The following PPA2 variants were observed in gnomAD, a reference collection of about 807,000 sequenced individuals.
The protein encoded by PPA2 is inorganic pyrophosphatase 2, also known as inorganic pyrophosphatase 2, mitochondrial.
Under a neutral mutation model 49.5 loss-of-function variants are expected in PPA2, and 48 were observed. That is an observed-to-expected ratio of 0.97 (90% CI 0.77 to 1.23). The LOEUF (loss-of-function observed/expected upper bound fraction) is 1.23. Among genes scored for constraint, PPA2 ranks in the 50% most tolerant of loss-of-function variants. The pLI, the probability that PPA2 is intolerant of heterozygous loss-of-function variation, is 0.00. For missense variants in PPA2, 429 were observed against 410.1 expected (o/e 1.05, Z -0.40); for synonymous variants, 131 against 139.9 (o/e 0.94, Z 0.45).
intron 1 of PPA2, among the ~76,000 whole-genome samples, chr4:105,464,784 C>T (rs1203245447): frequency 6.6e-6 from 1 of 152,114 alleles, no homozygotes; most frequent in Non-Finnish European, 1.5e-5. Flanking sequence ...GTGAGGCCTC[C>T]CCAGCCATGT....
At chr4:105,385,272 T>C (rs1040143659) in intron 10 of PPA2, among the ~76,000 whole-genome samples, 2 of 152,214 alleles carry the variant, frequency 1.3e-5, no homozygotes, top group African/African-American at 4.8e-5. Flanking sequence ...TTTACTTGCA[T>C]ATTTCCTTCT....
intron 1 of PPA2, among the ~76,000 whole-genome samples, chr4:105,465,725 G>T (rs1167674664): frequency 1.3e-5 from 2 of 152,210 alleles, no homozygotes; most frequent in African/African-American, 2.4e-5. Context: ...AGCATTCAGT[G>T]TTGCAGGCCT....
At position 105,423,968 on chromosome 4, in the gene PPA2, A is replaced by G. The variant is rs2726514; in HGVS notation, c.655+228T>C. Among the ~76,000 whole-genome samples, 89,938 of 151,910 alleles carry G rather than the reference A, an allele frequency of 0.59. 26,745 individuals carry two copies. Among genetic ancestry groups the G allele is most frequent in the East Asian group, 0.68 (3,499 of 5,156 alleles). ...AAGGAGGGAAGGAAGGAGTGAAAGG[A>G]AGAGGAAGAAAGTGAAAGAGAGGTG... On this transcript the variant is annotated intron_variant, in intron 7 of 11. Coordinates refer to ENST00000341695, the MANE Select transcript of PPA2 (RefSeq NM_176869.3).
intron 7 of PPA2, chr4:105,405,412 C>T (rs28398075): frequency 0.032 from 25,527 of 798,412 alleles, 1,091 homozygotes; most frequent in African/African-American, 0.18. Flanking sequence ...ACTTTTATCT[C>T]TAATATTATT....
intron 6 of PPA2, among the ~76,000 whole-genome samples, chr4:105,426,958 G>A (rs180915002): frequency 2.6e-5 from 4 of 152,276 alleles, no homozygotes; most frequent in South Asian, 2.1e-4. Context: ...AGTAGAGGCC[G>A]ACAGACACCT....
chr4:105,473,089 A>G (rs1426160973), intron 1 of PPA2, among the ~76,000 whole-genome samples: 1 of 152,150 alleles, frequency 6.6e-6, no homozygotes, highest in African/African-American at 2.4e-5. Context: ...CTCTGCAGTC[A>G]GTGGGGAGTG....
At chr4:105,448,008 T>G (rs1722486258) in intron 4 of PPA2, 1 of 308,090 alleles carries the variant, frequency 3.2e-6, no homozygotes. Flanking sequence ...GGTTTCTCAA[T>G]GGGCTGGGAT....
intron 3 of PPA2, among the ~76,000 whole-genome samples, chr4:105,452,699 A>G (rs935753312): frequency 2.0e-5 from 3 of 152,158 alleles, no homozygotes; most frequent in Non-Finnish European, 4.4e-5. Context: ...ATGAAGCTGG[A>G]AAGGTAAAAG....
chr4:105,413,807 CT>C (rs1722874189), intron 7 of PPA2, among the ~76,000 whole-genome samples: 1 of 152,120 alleles, frequency 6.6e-6, no homozygotes, highest in South Asian at 2.1e-4. Flanking sequence ...ATAAAAACAT[CT>C]TTCTGACCAA....
chr4:105,395,908 G>A (rs1042878552), intron 9 of PPA2, among the ~76,000 whole-genome samples: 1 of 152,046 alleles, frequency 6.6e-6, no homozygotes. Flanking sequence ...TGAATAAGGA[G>A]GCTTTTACTT....
intron 3 of PPA2, among the ~76,000 whole-genome samples, chr4:105,451,205 C>A (rs1400672253): frequency 1.3e-5 from 2 of 152,148 alleles, no homozygotes; most frequent in Non-Finnish European, 1.5e-5. Flanking sequence ...GCAGCCAAAG[C>A]TGGACTAAAG....
intron 10 of PPA2, among the ~76,000 whole-genome samples, chr4:105,384,390 G>C (rs985008959): frequency 1.3e-5 from 2 of 151,938 alleles, no homozygotes; most frequent in Non-Finnish European, 2.9e-5. Flanking sequence ...AATCTAACTA[G>C]ATCACATATA....
intron 3 of PPA2, among the ~76,000 whole-genome samples, chr4:105,450,875 G>A (rs943645553): frequency 6.6e-6 from 1 of 152,084 alleles, no homozygotes; most frequent in Admixed American, 6.6e-5. Flanking sequence ...CCAAAGTGCT[G>A]GGATTACAGG....
At chr4:105,473,405 T>C (rs1723608567) in intron 1 of PPA2, 4 of 370,492 alleles carry the variant, frequency 1.1e-5, no homozygotes, top group South Asian at 8.2e-5. Flanking sequence ...CGCGCTGGAT[T>C]AGGCATCCGC....
At chr4:105,396,433 A>C in intron 8 of PPA2, 99 bp from the exon 9 acceptor site, 1 of 796,802 alleles carries the variant, frequency 1.3e-6, no homozygotes, top group Non-Finnish European at 1.9e-6. Context: ...AATTGTTAAG[A>C]GCATGAGCTC....
chr4:105,454,302 C>CTGCTGT (rs1246609687), intron 2 of PPA2, among the ~76,000 whole-genome samples: 5 of 146,400 alleles, frequency 3.4e-5, no homozygotes, highest in Admixed American at 6.8e-5. Context: ...TTTGCTGCTG[C>CTGCTGT]TGTTGTTGTT....
At chr4:105,454,293 TTGCTGC>T (rs138806869) in intron 2 of PPA2, among the ~76,000 whole-genome samples, 1,545 of 119,418 alleles carry the variant, frequency 0.013, 30 homozygotes, top group African/African-American at 0.052. Context: ...ATTTTTGTTT[TTGCTGC>T]TGCTGTTGTT....
chr4:105,405,820 G>C (rs1230386189), intron 7 of PPA2: 3 of 470,004 alleles, frequency 6.4e-6, no homozygotes, highest in Non-Finnish European at 1.2e-5. Flanking sequence ...ACAACATGTA[G>C]GGCTGCATCC....
intron 1 of PPA2, 143 bp downstream of exon 1, chr4:105,473,751 G>A: frequency 3.2e-6 from 4 of 1,235,054 alleles, no homozygotes; most frequent in South Asian, 1.2e-5. Context: ...CGGGAAGTAA[G>A]GTGGCCTGGA....
Sources: allele counts gnomAD v4.1 joint callset (sites outside exome capture counted in the v4.1 genomes callset), GRCh38; gene constraint gnomAD v4.1.1; transcripts MANE v1.5; gene names NCBI Gene and HGNC (gene_info 2026-07-23, HGNC 2026-07-21).